The following ITGA9 variants were observed in gnomAD, a reference collection of about 807,000 sequenced individuals.
The protein encoded by ITGA9 is integrin subunit alpha 9.
Under a neutral mutation model 127.8 loss-of-function variants are expected in ITGA9, and 56 were observed. That is an observed-to-expected ratio of 0.44 (90% confidence interval 0.35 to 0.55). The LOEUF is 0.55. Ranked by LOEUF, ITGA9 falls within the 20% of genes least tolerant of loss-of-function variation. ITGA9 has a pLI of 0.00. For missense variants in ITGA9, 1,196 were observed against 1,347.1 expected, an observed-to-expected ratio of 0.89 and a Z score of 1.76; for synonymous variants, 508 against 514.5, an observed-to-expected ratio of 0.99 and a Z score of 0.17.
intron 16 of ITGA9, among the ~76,000 whole-genome samples, chr3:37,639,509 C>A (rs1029960957): frequency 1.3e-5 from 2 of 152,038 alleles, no homozygotes; most frequent in African/African-American, 2.4e-5. Context: ...AGGTCTCTCA[C>A]GTGGCTGAAT....
intron 18 of ITGA9, among the ~76,000 whole-genome samples, chr3:37,726,479 T>C (rs1696203249): frequency 6.6e-6 from 1 of 152,198 alleles, no homozygotes; most frequent in African/African-American, 2.4e-5. Context: ...TAGACTGACA[T>C]CAAATGCTTG....
At chr3:37,585,650 T>C (rs1699750905) in intron 15 of ITGA9, 1 of 516,112 alleles carries the variant, frequency 1.9e-6, no homozygotes, top group Admixed American at 1.9e-5. Context: ...AGAATGTTTG[T>C]GGCTAAAGAA....
Position 37,452,582 on chromosome 3 carries a change from G to A in ITGA9, c.185+23G>A. 2 of 1,491,098 alleles carry A rather than the reference G, an allele frequency of 1.3e-6. No individual in the cohort carries two copies. Among genetic ancestry groups the A allele is most frequent in the East Asian group, 2.9e-5 (1 of 34,436 alleles). The allele number at this position is 1,491,098 out of a possible 1,614,324, so 92.4% of individuals were successfully genotyped here. A position where few individuals can be genotyped will look rare whatever the true frequency, so the allele number is the denominator to read the frequency against. ...CTGGTGAGTGCCCGCCCGACTCCGC[G>A]ACCCTGGCCCGCGCGGCCACCGCCC... On this transcript the variant is annotated intron_variant, in intron 1 of 27. Transcript: ENST00000264741. The surrounding 1 kb of genome is among the most constrained non-coding windows in gnomAD (Gnocchi z 7.3).
At chr3:37,690,860 A>G (rs1324936252) in intron 18 of ITGA9, among the ~76,000 whole-genome samples, 4 of 152,168 alleles carry the variant, frequency 2.6e-5, no homozygotes, top group Non-Finnish European at 5.9e-5. Context: ...GAGGTGAAAC[A>G]ATGGTAGGGA....
At chr3:37,480,638 C>T (rs988517159) in intron 3 of ITGA9, among the ~76,000 whole-genome samples, 4 of 152,224 alleles carry the variant, frequency 2.6e-5, no homozygotes, top group Admixed American at 6.5e-5. Context: ...AAACAACTCT[C>T]CACACACATT....
chr3:37,613,571 A>G (rs931708759), intron 15 of ITGA9, among the ~76,000 whole-genome samples: 20 of 152,326 alleles, frequency 1.3e-4, no homozygotes, highest in Middle Eastern at 6.8e-3. Flanking sequence ...CTAGTTTACA[A>G]TCCCACCAAC....
intron 15 of ITGA9, 46 bp downstream of exon 15, chr3:37,542,631 A>G (rs768355331): frequency 1.3e-6 from 2 of 1,598,280 alleles, no homozygotes; most frequent in Non-Finnish European, 8.6e-7. Flanking sequence ...ATCTCTGCAG[A>G]TGTTCACTTG....
chr3:37,754,652 C>A (rs1696628696), intron 23 of ITGA9, among the ~76,000 whole-genome samples: 1 of 152,146 alleles, frequency 6.6e-6, no homozygotes, highest in African/African-American at 2.4e-5. Flanking sequence ...ATATCAATGT[C>A]TTTGCCATAG....
chr3:37,510,931 A>G (rs900292135), intron 8 of ITGA9, among the ~76,000 whole-genome samples: 3 of 152,154 alleles, frequency 2.0e-5, no homozygotes, highest in African/African-American at 7.2e-5. Flanking sequence ...ACCTTTCTTT[A>G]TACAACTTAT....
intron 1 of ITGA9, among the ~76,000 whole-genome samples, chr3:37,465,656 C>G (rs541861334): frequency 2.6e-5 from 4 of 152,192 alleles, no homozygotes. Flanking sequence ...AGTGTCAATG[C>G]TTTGGAAAAG....
chr3:37,633,884 A>G (rs891033913), intron 16 of ITGA9, among the ~76,000 whole-genome samples: 4 of 152,224 alleles, frequency 2.6e-5, no homozygotes, highest in Non-Finnish European at 5.9e-5. Flanking sequence ...GAAATAAAAA[A>G]TTTGAAATAT....
At chr3:37,531,684 G>T (rs985947800) in intron 13 of ITGA9, among the ~76,000 whole-genome samples, 6 of 152,236 alleles carry the variant, frequency 3.9e-5, no homozygotes, top group South Asian at 2.1e-4. Flanking sequence ...CTGTCCATCT[G>T]TGAGGCTTTG....
intron 15 of ITGA9, among the ~76,000 whole-genome samples, chr3:37,601,026 G>C (rs1699918012): frequency 6.6e-6 from 1 of 152,198 alleles, no homozygotes; most frequent in South Asian, 2.1e-4. Flanking sequence ...ACGTGGCTGT[G>C]GAAGGGAGAC....
At chr3:37,510,024 C>CTTT (rs5848025) in intron 8 of ITGA9, among the ~76,000 whole-genome samples, 31 of 136,256 alleles carry the variant, frequency 2.3e-4, no homozygotes, top group Admixed American at 5.2e-4. Context: ...TAAAGGATTC[C>CTTT]TTTTTTTTTT....
intron 15 of ITGA9, among the ~76,000 whole-genome samples, chr3:37,574,821 G>T (rs967741920): frequency 1.3e-5 from 2 of 152,156 alleles, no homozygotes; most frequent in East Asian, 3.9e-4. Context: ...GAAGGTCTGA[G>T]GTCACACTGG....
In ITGA9 at chr3:37,568,001, G is replaced by A. The variant is rs376632739; in HGVS notation, c.1689+25416G>A. ...TAGGCAGTGCCCCAGCAGGAGTTCT[G>A]TGTGGAGGCTCTGACCCCACATTTC... On this transcript the variant is annotated intron_variant, in intron 15 of 27. Transcript: ENST00000264741. 7.9e-5 allele frequency among the ~76,000 whole-genome samples: 12 copies of A among 152,338 alleles called. No homozygotes were observed. In the East Asian group the frequency reaches 1.9e-3, roughly 25 times the overall value.
At chr3:37,695,433 C>T (rs1159541669) in intron 18 of ITGA9, among the ~76,000 whole-genome samples, 2 of 152,204 alleles carry the variant, frequency 1.3e-5, no homozygotes, top group African/African-American at 4.8e-5. Flanking sequence ...AGTCTTTGAA[C>T]TCTTGAGGTG....
At chr3:37,622,484 A>C (rs1700137607) in intron 15 of ITGA9, among the ~76,000 whole-genome samples, 1 of 152,118 alleles carries the variant, frequency 6.6e-6, no homozygotes, top group South Asian at 2.1e-4. Context: ...TACAGTTTAT[A>C]ATAAGGATTT....
At chr3:37,627,990 G>A (rs1272006613) in intron 15 of ITGA9, among the ~76,000 whole-genome samples, 5 of 152,240 alleles carry the variant, frequency 3.3e-5, no homozygotes, top group Middle Eastern at 3.4e-3. Flanking sequence ...ATTCCTCCCC[G>A]TGTGCCTCCT....
Sources: gnomAD v4.1 joint callset for allele counts (sites outside exome capture counted in the v4.1 genomes callset) on GRCh38, gnomAD v4.1.1 for gene constraint, Gnocchi (gnomAD v3.1) non-coding constraint, MANE v1.5 for transcripts, NCBI Gene and HGNC (gene_info 2026-07-23, HGNC 2026-07-21) for gene names.